The following LRP1 variants were observed in gnomAD, a reference collection of about 807,000 sequenced individuals.
The protein encoded by LRP1 is LDL receptor related protein 1, also known as prolow-density lipoprotein receptor-related protein 1.
Under a neutral mutation model 541.5 loss-of-function variants are expected in LRP1, and 51 were observed. That is an observed-to-expected ratio of 0.09 (90% CI 0.08 to 0.12). The LOEUF (loss-of-function observed/expected upper bound fraction) is 0.12, where lower values mean the gene tolerates loss of function less well. Among genes scored for constraint, LRP1 ranks in the 10% least tolerant of loss-of-function variants. The pLI is 1.00. For synonymous variants in LRP1, 2,219 were observed against 2,470.8 expected (o/e 0.90, Z 3.02); for missense variants, 3,878 against 6,376.2 (o/e 0.61, Z 13.34).
chr12:57,129,089 A>G (rs1348252744), intron 1 of LRP1, 58 bp downstream of exon 1: 2 of 1,494,600 alleles, frequency 1.3e-6, no homozygotes, highest in Non-Finnish European at 1.8e-6. Flanking sequence ...CCCAGCCCCC[A>G]CTCCTGCATA....
Position 57,141,480 on chromosome 12 carries a change from G to GGAC in LRP1, c.299_301dup (p.Asp100dup). On this transcript the variant is annotated inframe_insertion, in exon 3 of 89. Coordinates refer to ENST00000243077, the MANE Select transcript of LRP1 (RefSeq NM_002332.3). ...TCTGCAATGGGGTCCAGGACTGCAT[G>GGAC]GACGGCTCAGATGAGGGGCCCCACT... 1 of 1,614,188 alleles carries GGAC rather than the reference G, an allele frequency of 6.2e-7. No homozygotes were observed. Among genetic ancestry groups the GGAC allele is most frequent in the Non-Finnish European group, 8.5e-7 (1 of 1,180,034 alleles).
chr12:57,156,418 C>CCGAGTGGCTGGCTAGG lies in LRP1; in HGVS notation c.1417+135_1417+136insCGAGTGGCTGGCTAGG. The CCGAGTGGCTGGCTAGG allele has an allele frequency of 1.0e-6, 1 of 959,480 alleles. No homozygotes were observed. The highest frequency in any genetic ancestry group is 1.5e-6 in the Non-Finnish European group (1 of 663,936). The allele number at this position is 959,480 out of a possible 1,614,324, so 59.4% of individuals were successfully genotyped here. A position where few individuals can be genotyped will look rare whatever the true frequency, so the allele number is the denominator to read the frequency against. ...TCATGTCATGACCGATTCTCCTAGCCAGCCACTCGGGCTACCTGCCCTGGC... is the reference window on the plus strand; with the variant it reads ...TCATGTCATGACCGATTCTCCTAGCCCGAGTGGCTGGCTAGGAGCCACTCGGGCTACCTGCCCTGGC... On this transcript the variant is annotated intron_variant, in intron 9 of 88. Coordinates refer to ENST00000243077, the MANE Select transcript of LRP1 (RefSeq NM_002332.3). This position sits in a 1 kb window ranked among gnomAD's most constrained non-coding sequence, Gnocchi z 5.2.
Position 57,179,512 on chromosome 12 carries a change from G to A in LRP1, c.4922G>A (p.Arg1641Gln). ...GACGTGCGGACACAGGCCATCAAGC[G>A]GGCCTTCATCAACGGCACAGGCGTG... is the stretch of plus-strand genomic sequence containing the variant. Reference protein sequence around the residue: ...WSDVRTQAIKRAFINGTGVET... With the variant: ...WSDVRTQAIKQAFINGTGVET... Residue 1641 changes from arginine to glutamine, a missense_variant, in exon 29 of 89, where the codon CGG (arginine) becomes CAG (glutamine). Arg to Gln is a conservative substitution (Grantham distance 43). Transcript: ENST00000243077. This position sits in a 1 kb window ranked among gnomAD's most constrained non-coding sequence, Gnocchi z 6.8. 6.2e-7 allele frequency: 1 copy of A among 1,614,156 alleles called. No individual in the cohort carries two copies.
chr12:57,185,688 C>T lies in LRP1; in HGVS notation c.6621C>T (p.Thr2207=), dbSNP rs745427470. 6.2e-7 allele frequency: 1 copy of T among 1,614,112 alleles called. No homozygotes were observed. The highest frequency in any genetic ancestry group is 8.5e-7 in the Non-Finnish European group (1 of 1,180,002). Residue 2207 remains threonine, a synonymous_variant, in exon 41 of 89, where the codon ACC becomes ACT. Transcript: ENST00000243077. This position sits in a 1 kb window ranked among gnomAD's most constrained non-coding sequence, Gnocchi z 4.9. ...YAGYLLYSER[T]ILKSIHLSDE... is the part of the protein sequence containing the mutation. ...GCTACCTGCTCTACTCAGAGCGCAC[C>T]ATTCTCAAGAGTATCCACCTGTCGG...
Position 57,200,040 on chromosome 12 carries a change from C to A in LRP1, c.10014+15C>A, listed in dbSNP as rs757774944. The A allele has an allele frequency of 5.0e-6, 8 of 1,585,052 alleles. No homozygotes were observed. Among genetic ancestry groups the A allele is most frequent in the Non-Finnish European group, 6.0e-6 (7 of 1,170,514 alleles). ...CGGCTAGCCAGGTGAGGCTGTCCCCCAGACCCCATCACCAGTGCCCGCTCC... is the reference window on the plus strand; with the variant it reads ...CGGCTAGCCAGGTGAGGCTGTCCCCAAGACCCCATCACCAGTGCCCGCTCC... On this transcript the variant is annotated intron_variant, in intron 62 of 88. Coordinates refer to ENST00000243077, the MANE Select transcript of LRP1 (RefSeq NM_002332.3).
At chr12:57,153,561 A>C (rs1428388633) in intron 6 of LRP1, among the ~76,000 whole-genome samples, 1 of 152,186 alleles carries the variant, frequency 6.6e-6, no homozygotes, top group Admixed American at 6.5e-5. Flanking sequence ...CCTCCCCAGG[A>C]CATGAGGACA....
Position 57,183,276 on chromosome 12 carries a change from G to C in LRP1, c.5663-103G>C, listed in dbSNP as rs779366113. The C allele has an allele frequency of 7.2e-6, 9 of 1,249,102 alleles. No homozygotes were observed. The highest frequency in any genetic ancestry group is 1.0e-5 in the Non-Finnish European group (9 of 880,482). The allele number at this position is 1,249,102 out of a possible 1,614,324, so 77.4% of individuals were successfully genotyped here. ...TGGAGGATAGGGATGATGGTGGGGG[G>C]GGATGATATCAAAGGAGAAGCAGAG... On this transcript the variant is annotated intron_variant, in intron 34 of 88. Transcript: ENST00000243077. This position sits in a 1 kb window ranked among gnomAD's most constrained non-coding sequence, Gnocchi z 6.1.
At position 57,176,863 on chromosome 12, in the gene LRP1, C is replaced by CA. The variant is rs375688316; in HGVS notation, c.3992-163dup. Reference sequence around the variant, plus strand: ...GCCTTGGTGACAGAAGACCCTGTCTCAAAAAAAAAAAAAAAGTTGGGGAGA... The same window carrying CA: ...GCCTTGGTGACAGAAGACCCTGTCTCAAAAAAAAAAAAAAAAGTTGGGGAGA... On this transcript the variant is annotated intron_variant, in intron 24 of 88. Transcript: ENST00000243077. Among the ~76,000 whole-genome samples, 679 of 128,550 alleles carry CA rather than the reference C, an allele frequency of 5.3e-3. 2 individuals are homozygous for CA. The highest frequency in any genetic ancestry group is 0.012 in the African/African-American group (429 of 34,816). 84.3% of individuals were successfully genotyped at this position (128,550 alleles called of 152,430 possible).
In LRP1 at chr12:57,202,062, C is replaced by T. The variant is rs112655425; in HGVS notation, c.10594+157C>T. The T allele has an allele frequency of 5.4e-6, 5 of 925,576 alleles. 1 individual carries two copies. The highest frequency in any genetic ancestry group is 4.9e-5 in the African/African-American group (3 of 61,086). 57.3% of individuals were successfully genotyped at this position (925,576 alleles called of 1,614,324 possible). A position where few individuals can be genotyped will look rare whatever the true frequency, so the allele number is the denominator to read the frequency against. ...CTGCTGTGGGGCTGGGGAAGGAGGC[C>T]TGGCTGGAGCTCACTTCCCCACATC... On this transcript the variant is annotated intron_variant, in intron 67 of 88. Transcript: ENST00000243077.
chr12:57,134,899 G>A (rs985988563), intron 1 of LRP1, among the ~76,000 whole-genome samples: 2 of 152,124 alleles, frequency 1.3e-5, no homozygotes, highest in African/African-American at 4.8e-5. Context: ...TAGAGACGGG[G>A]TTTCACCGCG....
rs2034969698 is a variant in LRP1 at position 57,128,756 on chromosome 12, G to A, written c.-209G>A. ...GAAGGGTTTGGATTTCGGGGCAGGG[G>A]GCGCACCCCCGTCAGCAGGCCCTCC... On this transcript the variant is annotated 5_prime_UTR_variant, in exon 1 of 89. Coordinates refer to ENST00000243077, the MANE Select transcript of LRP1 (RefSeq NM_002332.3). The A allele has an allele frequency of 1.5e-5, 7 of 452,950 alleles. No individual in the cohort carries two copies. The South Asian group carries it at 3.4e-4, about 22-fold the overall frequency. The allele number at this position is 452,950 out of a possible 1,614,324, so 28.1% of individuals were successfully genotyped here.
intron 1 of LRP1, among the ~76,000 whole-genome samples, chr12:57,133,893 T>A (rs1159162839): frequency 6.6e-6 from 1 of 152,010 alleles, no homozygotes; most frequent in African/African-American, 2.4e-5. Flanking sequence ...AAGGATGGGT[T>A]CCCCTCCTCT....
At chr12:57,210,243 C>A in intron 81 of LRP1, 64 bp from the exon 82 acceptor site, 1 of 1,549,240 alleles carries the variant, frequency 6.5e-7, no homozygotes, top group East Asian at 2.3e-5. Context: ...CTTCCCCTGA[C>A]CTTGTTGCCT....
intron 81 of LRP1, 21 bp downstream of exon 81, chr12:57,210,190 T>C (rs1592666315): frequency 6.3e-7 from 1 of 1,575,300 alleles, no homozygotes; most frequent in Non-Finnish European, 8.6e-7. Context: ...GCCCTCCCAG[T>C]CCCAGCCATG....
intron 12 of LRP1, among the ~76,000 whole-genome samples, chr12:57,160,282 C>G (rs1410027913): frequency 1.3e-5 from 2 of 152,168 alleles, no homozygotes; most frequent in African/African-American, 2.4e-5. Context: ...CAGGCCTGCA[C>G]AGCCCCACAG....
In LRP1 at chr12:57,183,782, C is replaced by T. The variant is rs777076162; in HGVS notation, c.5802C>T (p.Asp1934=). ...CACCTCCTCCACCTCCAGAAAATGA[C>T]ACCATCTACTGGGTGGACATGGGCC... The part of the protein sequence containing the change: ...AVGIDFHAEN[D]TIYWVDMGLS... Residue 1934 remains aspartate, a synonymous_variant, in exon 36 of 89, where the codon GAC becomes GAT. Transcript: ENST00000243077. The surrounding 1 kb of genome is among the most constrained non-coding windows in gnomAD (Gnocchi z 6.1). The T allele has an allele frequency of 6.8e-6, 11 of 1,614,052 alleles. No homozygotes were observed. In the Middle Eastern group the frequency reaches 6.6e-4, roughly 97 times the overall value.
At chr12:57,135,607 G>A (rs1172216770) in intron 1 of LRP1, among the ~76,000 whole-genome samples, 1 of 152,170 alleles carries the variant, frequency 6.6e-6, no homozygotes, top group African/African-American at 2.4e-5. Context: ...GTTCTTTCAC[G>A]TATCTCTCTG....
rs572661277 is a variant in LRP1, at chr12:57,163,892, C to T, written c.2530+909C>T. 8.5e-5 allele frequency among the ~76,000 whole-genome samples: 13 copies of T among 152,138 alleles called. No individual in the cohort carries two copies. In the South Asian group the frequency reaches 1.5e-3, roughly 17 times the overall value. ...CATTGTAAAACGGAGTAAGTAAGGC[C>T]GGGCACAGTGGCTCACACCTGTAAT... On this transcript the variant is annotated intron_variant, in intron 15 of 88. Transcript: ENST00000243077.
intron 34 of LRP1, 67 bp downstream of exon 34, chr12:57,181,358 C>T (rs1042443930): frequency 6.5e-7 from 1 of 1,529,556 alleles, no homozygotes; most frequent in Non-Finnish European, 8.8e-7. Context: ...TACCCTACAG[C>T]CCCACCTTCC....
Sources: allele counts gnomAD v4.1 joint callset (sites outside exome capture counted in the v4.1 genomes callset), GRCh38; gene constraint gnomAD v4.1.1; non-coding constraint Gnocchi (gnomAD v3.1); transcripts MANE v1.5; gene names NCBI Gene and HGNC (gene_info 2026-07-23, HGNC 2026-07-21).